ADAMTSL2: variants seen among roughly 807,000 people sequenced by gnomAD.
ADAMTSL2 encodes ADAMTS-like protein 2.
ADAMTSL2 carries 55 observed loss-of-function variants against 117.0 expected under a neutral mutation model. The observed-to-expected ratio is 0.47, with a 90% confidence interval of 0.38 to 0.59. The LOEUF (loss-of-function observed/expected upper bound fraction) is 0.59. ADAMTSL2 is among the 20% of genes least tolerant of loss of function. The probability of loss-of-function intolerance (pLI) is 0.00; values close to 1 mark genes in which losing one functional copy is unlikely to be tolerated. For missense variants in ADAMTSL2, 1,182 were observed against 1,354.5 expected (o/e 0.87, Z 2.00); for synonymous variants, 572 against 566.4 (o/e 1.01, Z -0.14).
chr9:133,544,093 A>G (rs1220124352), intron 7 of ADAMTSL2, among the ~76,000 whole-genome samples: 1 of 152,260 alleles, frequency 6.6e-6, no homozygotes, highest in African/African-American at 2.4e-5. Flanking sequence ...TTAAAATGGC[A>G]GTGACAATGC....
Position 133,538,370 on chromosome 9 carries a change from C to T in ADAMTSL2, c.255C>T (p.Pro85=), listed in dbSNP as rs777495910. 39 of 1,613,212 alleles carry T rather than the reference C, an allele frequency of 2.4e-5. No homozygotes were observed. In the Admixed American group the frequency reaches 3.2e-4, roughly 13 times the overall value. Residue 85 remains proline, a synonymous_variant, in exon 4 of 19, where the codon CCC becomes CCT. Transcript: ENST00000651351. ...CCAGGAGGAAGTCCGTCCCGGGCCC[C>T]GGGAACAGGACCTGCACGGGCACGT... The part of the protein sequence containing the change: ...LQQRRKSVPG[P]GNRTCTGTSK...
In ADAMTSL2 at chr9:133,555,544, T is replaced by G; in HGVS notation, c.1277-14T>G. 6.2e-7 allele frequency: 1 copy of G among 1,612,940 alleles called. No homozygotes were observed. Among genetic ancestry groups the G allele is most frequent in the Non-Finnish European group, 8.5e-7 (1 of 1,180,008 alleles). The stretch of plus-strand genomic sequence containing the variant: ...CGGATGTGCCCACGGTTGAGCCACC[T>G]GTCTCCTCTCCAGACCGCAACGTCA... On this transcript the variant is annotated splice_polypyrimidine_tract_variant and intron_variant, in intron 10 of 18. Transcript: ENST00000651351.
At position 133,555,649 on chromosome 9, in the gene ADAMTSL2, C is replaced by A; in HGVS notation, c.1368C>A (p.Asn456Lys). ...CCTCCCAGGAGTTCTTCTCGGCTAA[C>A]GCCATCTCTGACCAGCTGCTGGGCG... The part of the protein sequence containing the change: ...HFASQEFFSA[N>K]AISDQLLGAG... Residue 456 changes from asparagine (N) to lysine (K), a missense_variant, in exon 11 of 19, where the codon AAC (asparagine) becomes AAA (lysine). By Grantham distance (94) the Asn-to-Lys change is moderately conservative. Transcript: ENST00000651351. 6.2e-7 allele frequency: 1 copy of A among 1,613,716 alleles called. No homozygotes were observed. Among genetic ancestry groups the A allele is most frequent in the Non-Finnish European group, 8.5e-7 (1 of 1,180,024 alleles).
At chr9:133,566,861 C>G in intron 12 of ADAMTSL2, 75 bp from the exon 13 acceptor site, 1 of 1,552,422 alleles carries the variant, frequency 6.4e-7, no homozygotes, top group Non-Finnish European at 8.7e-7. Flanking sequence ...GTGACTTGCC[C>G]CAAGTCCTGA....
chr9:133,563,831 G>A (rs1588301912), intron 12 of ADAMTSL2, among the ~76,000 whole-genome samples: 2 of 93,790 alleles, frequency 2.1e-5, no homozygotes, highest in African/African-American at 8.6e-5. Context: ...GAGAGAGAGA[G>A]AGAGAGAGAG....
At chr9:133,563,838 AGAG>A (rs1830813662) in intron 12 of ADAMTSL2, among the ~76,000 whole-genome samples, 2 of 42,878 alleles carry the variant, frequency 4.7e-5, no homozygotes, top group African/African-American at 1.1e-4. Context: ...AGAGAGAGAG[AGAG>A]AGGGAGAGAG....
At chr9:133,540,834 C>G in intron 6 of ADAMTSL2, 44 bp from the exon 7 acceptor site, 1 of 1,613,178 alleles carries the variant, frequency 6.2e-7, no homozygotes, top group South Asian at 1.1e-5. Context: ...CGGGGCCTGG[C>G]CACAGCGCCC....
chr9:133,555,117 C>T (rs996652116), intron 10 of ADAMTSL2, among the ~76,000 whole-genome samples: 3 of 152,066 alleles, frequency 2.0e-5, no homozygotes, highest in Non-Finnish European at 4.4e-5. Flanking sequence ...TGGCTGTGAC[C>T]GTGTCACTCC....
intron 8 of ADAMTSL2, among the ~76,000 whole-genome samples, chr9:133,546,753 A>C (rs1049172546): frequency 6.6e-6 from 1 of 152,172 alleles, no homozygotes; most frequent in African/African-American, 2.4e-5. Flanking sequence ...GCAGCCCCTC[A>C]GCTTCTTCAC....
At chr9:133,561,078 G>A (rs1289751355) in intron 11 of ADAMTSL2, 120 bp from the exon 12 acceptor site, 1 of 840,284 alleles carries the variant, frequency 1.2e-6, no homozygotes, top group Non-Finnish European at 2.0e-6. Context: ...CGGGGCTCAG[G>A]ACAGGTGTGT....
Position 133,537,451 on chromosome 9 carries a change from C to T in ADAMTSL2, c.137C>T (p.Thr46Met), listed in dbSNP as rs147415644. ...SNSLEGGTDATAFWWGEWTKW... is the reference protein window; with the variant it reads ...SNSLEGGTDAMAFWWGEWTKW... ...AGCCTGGAGGGGGGCACCGACGCCA[C>T]GGCCTTCTGGTGGGGGGAGTGGACC... Residue 46 changes from threonine to methionine, a missense_variant, in exon 3 of 19, where the codon ACG (threonine) becomes ATG (methionine). Physicochemically the swap from Thr to Met is moderately conservative, Grantham distance 81 (BLOSUM62 -1). Coordinates refer to ENST00000651351, the MANE Select transcript of ADAMTSL2 (RefSeq NM_014694.4). 3.2e-5 allele frequency: 43 copies of T among 1,351,370 alleles called. No homozygotes were observed. Among genetic ancestry groups the T allele is most frequent in the African/African-American group, 6.0e-5 (4 of 66,680 alleles). The allele number at this position is 1,351,370 out of a possible 1,614,324, so 83.7% of individuals were successfully genotyped here. A position where few individuals can be genotyped will look rare whatever the true frequency, so the allele number is the denominator to read the frequency against.
At chr9:133,541,374 T>C (rs1183369783) in intron 7 of ADAMTSL2, among the ~76,000 whole-genome samples, 2 of 151,792 alleles carry the variant, frequency 1.3e-5, no homozygotes, top group African/African-American at 4.8e-5. Flanking sequence ...CTGCAACCTC[T>C]GCCTCCCAGG....
At chr9:133,574,320 C>T (rs11531915) in intron 18 of ADAMTSL2, among the ~76,000 whole-genome samples, 17,928 of 152,168 alleles carry the variant, frequency 0.12, 1,443 homozygotes, top group East Asian at 0.41. Context: ...TCAGCTGGAG[C>T]GGCCAGGGGC....
In ADAMTSL2 at chr9:133,555,560, C is replaced by G; in HGVS notation, c.1279C>G (p.Arg427Gly). ...GPPRGKGFRD[R>G]NVTGTPLTGD... Reference sequence around the variant, plus strand: ...TGAGCCACCTGTCTCCTCTCCAGACCGCAACGTCACGGGGACTCCTCTCAC... The same window carrying G: ...TGAGCCACCTGTCTCCTCTCCAGACGGCAACGTCACGGGGACTCCTCTCAC... The change falls in exon 11 of 19, where the codon CGC becomes GGC. Residue 427 changes from arginine (R) to glycine (G), a missense_variant and splice_region_variant. This residue lies in a region of ADAMTSL2 where 345 missense variants were observed against 325.8 expected (regional missense o/e 1.06). Transcript: ENST00000651351. 6.2e-7 allele frequency: 1 copy of G among 1,612,988 alleles called. No individual in the cohort carries two copies. The highest frequency in any genetic ancestry group is 8.5e-7 in the Non-Finnish European group (1 of 1,180,016).
Position 133,554,331 on chromosome 9 carries a change from C to A in ADAMTSL2, c.940-26C>A. On this transcript the variant is annotated intron_variant, in intron 9 of 18. Transcript: ENST00000651351. This position sits in a 1 kb window ranked among gnomAD's most constrained non-coding sequence, Gnocchi z 5.2. ...AGGGGCTGGACAGAGTAAGGAGGGG[C>A]TGGGGACCCACTTCTCTTTCCCTAG... is the stretch of plus-strand genomic sequence containing the variant. 1 of 1,530,592 alleles carries A rather than the reference C, an allele frequency of 6.5e-7. No homozygotes were observed. Among genetic ancestry groups the A allele is most frequent in the South Asian group, 1.2e-5 (1 of 83,922 alleles). 94.8% of individuals were successfully genotyped at this position (1,530,592 alleles called of 1,614,324 possible). A position where few individuals can be genotyped will look rare whatever the true frequency, so the allele number is the denominator to read the frequency against.
chr9:133,572,959 G>A (rs1466878972), intron 17 of ADAMTSL2, among the ~76,000 whole-genome samples: 1 of 152,206 alleles, frequency 6.6e-6, no homozygotes, highest in East Asian at 1.9e-4. Context: ...TTGTCCTCAC[G>A]CCGTCAGCGC....
intron 7 of ADAMTSL2, 116 bp from the exon 8 acceptor site, chr9:133,544,354 T>C (rs1207335616): frequency 1.1e-6 from 1 of 890,082 alleles, no homozygotes; most frequent in African/African-American, 1.6e-5. Context: ...GGTGTGGGGG[T>C]TGGGCCAGCC....
At chr9:133,562,244 G>A (rs1021843432) in intron 12 of ADAMTSL2, among the ~76,000 whole-genome samples, 1 of 152,336 alleles carries the variant, frequency 6.6e-6, no homozygotes. Flanking sequence ...AGATGGGCCC[G>A]AGAGAGGGAG....
chr9:133,549,934 C>T (rs1382727975), intron 9 of ADAMTSL2, among the ~76,000 whole-genome samples: 1 of 152,224 alleles, frequency 6.6e-6, no homozygotes, highest in Non-Finnish European at 1.5e-5. Context: ...ATGATCGCTA[C>T]TGCTACTGCC....
Sources: gnomAD v4.1 joint callset for allele counts (sites outside exome capture counted in the v4.1 genomes callset) on GRCh38, gnomAD v4.1.1 for gene constraint, gnomAD v4.1.1 regional missense constraint, Gnocchi (gnomAD v3.1) non-coding constraint, MANE v1.5 for transcripts, NCBI Gene and HGNC (gene_info 2026-07-23, HGNC 2026-07-21) for gene names.